The following ADD2 variants were observed in gnomAD, a reference collection of about 807,000 sequenced individuals.
ADD2 encodes adducin 2.
A neutral mutation model predicts 83.0 loss-of-function variants in ADD2; 23 were observed. The ratio of observed to expected loss-of-function variants is 0.28; its 90% CI spans 0.20 to 0.39. ADD2 has a LOEUF of 0.39. Among genes scored for constraint, ADD2 ranks in the 10% least tolerant of loss-of-function variants. The pLI, the probability that ADD2 is intolerant of heterozygous loss-of-function variation, is 1.00. For synonymous variants in ADD2, 375 were observed against 375.4 expected, an observed-to-expected ratio of 1.00 and a Z score of 0.01; for missense variants, 758 against 944.9, an observed-to-expected ratio of 0.80 and a Z score of 2.59.
At chr2:70,723,283 T>C (rs1044458628) in intron 1 of ADD2, among the ~76,000 whole-genome samples, 2 of 152,234 alleles carry the variant, frequency 1.3e-5, no homozygotes, top group African/African-American at 2.4e-5. Context: ...AGATAATATA[T>C]GAAAGCACAG....
intron 1 of ADD2, among the ~76,000 whole-genome samples, chr2:70,755,295 C>G (rs1674713380): frequency 6.6e-6 from 1 of 152,218 alleles, no homozygotes; most frequent in Non-Finnish European, 1.5e-5. Flanking sequence ...AATGAAAATG[C>G]CTGCAATCAG....
chr2:70,673,681 C>A (rs1274927853), intron 14 of ADD2, among the ~76,000 whole-genome samples: 1 of 152,152 alleles, frequency 6.6e-6, no homozygotes, highest in East Asian at 1.9e-4. Flanking sequence ...ACTGTAACCT[C>A]CGCCTTCTGG....
At chr2:70,664,623 G>A (rs1314633480) in intron 15 of ADD2, among the ~76,000 whole-genome samples, 3 of 152,190 alleles carry the variant, frequency 2.0e-5, no homozygotes, top group Non-Finnish European at 2.9e-5. Context: ...ACAGTACCAT[G>A]GTGGGCAGAC....
At chr2:70,697,434 C>A (rs1434928312) in intron 4 of ADD2, among the ~76,000 whole-genome samples, 2 of 152,316 alleles carry the variant, frequency 1.3e-5, no homozygotes, top group Admixed American at 6.5e-5. Context: ...TCCAGTCTAT[C>A]CCGTTAACCA....
At position 70,663,453 on chromosome 2, in the gene ADD2, C is replaced by T; in HGVS notation, c.2153G>A (p.Ser718Asn). The change falls in exon 16 of 16, where the codon AGC becomes AAC. Residue 718 changes from serine to asparagine, a missense_variant. Ser to Asn is a conservative substitution (Grantham distance 46, BLOSUM62 1). Transcript: ENST00000264436. ...KFRTPSFLKKSKKKEKVES is the reference protein window; with the variant it reads ...KFRTPSFLKKNKKKEKVES Reference sequence around the variant, plus strand: ...GGACTCCACTTTCTCCTTCTTTTTGCTCTTTTTCAGGAAGGAGGGGGTTCG... The same window carrying T: ...GGACTCCACTTTCTCCTTCTTTTTGTTCTTTTTCAGGAAGGAGGGGGTTCG... 1.2e-6 allele frequency: 2 copies of T among 1,613,256 alleles called. No individual in the cohort carries two copies. The highest frequency in any genetic ancestry group is 1.7e-6 in the Non-Finnish European group (2 of 1,179,780).
chr2:70,713,279 TTGAAA>T (rs1288901171), intron 1 of ADD2, 95 bp from the exon 2 acceptor site: 2 of 471,482 alleles, frequency 4.2e-6, no homozygotes, highest in Non-Finnish European at 5.6e-6. Context: ...TAAAATGAAC[TTGAAA>T]TGAATTTTTA....
chr2:70,659,572 G>C lies in ADD2; in HGVS notation c.*3853C>G, dbSNP rs1373055403. The stretch of plus-strand genomic sequence containing the variant: ...CAAGTCCTTTAAAAAGAACTTATCT[G>C]TTCACAGAGGAAGAACCCTGTTTTA... On this transcript the variant is annotated 3_prime_UTR_variant, in exon 16 of 16. Coordinates refer to ENST00000264436, the MANE Select transcript of ADD2 (RefSeq NM_001617.4). 1.3e-5 allele frequency: 2 copies of C among 152,196 alleles called. No individual in the cohort carries two copies. Among genetic ancestry groups the C allele is most frequent in the Non-Finnish European group, 2.9e-5 (2 of 68,054 alleles). The allele number at this position is 152,196 out of a possible 1,614,324, so 9.4% of individuals were successfully genotyped here. A position where few individuals can be genotyped will look rare whatever the true frequency, so the allele number is the denominator to read the frequency against.
At chr2:70,736,646 G>A (rs1252902260) in intron 1 of ADD2, among the ~76,000 whole-genome samples, 2 of 152,152 alleles carry the variant, frequency 1.3e-5, no homozygotes. Flanking sequence ...ATAACTTCTA[G>A]AACTTTTCAT....
intron 1 of ADD2, among the ~76,000 whole-genome samples, chr2:70,715,587 G>A (rs781911764): frequency 5.3e-5 from 8 of 152,076 alleles, no homozygotes; most frequent in Non-Finnish European, 8.8e-5. Context: ...GCTGTGAGGC[G>A]GCAGGAGTTA....
Position 70,660,025 on chromosome 2 carries a change from A to C in ADD2, c.*3400T>G, listed in dbSNP as rs1219886908. 3 of 152,228 alleles carry C rather than the reference A, an allele frequency of 2.0e-5. No homozygotes were observed. The highest frequency in any genetic ancestry group is 2.0e-4 in the Admixed American group (3 of 15,284). 9.4% of individuals were successfully genotyped at this position (152,228 alleles called of 1,614,324 possible). On this transcript the variant is annotated 3_prime_UTR_variant, in exon 16 of 16. Transcript: ENST00000264436. ...GAGCTCTTGAATACACATTTTCTCC[A>C]GTCAGATATTGGTCAAAGTTTTCAG...
intron 1 of ADD2, among the ~76,000 whole-genome samples, chr2:70,741,744 C>T (rs1385374665): frequency 3.3e-5 from 5 of 152,214 alleles, no homozygotes; most frequent in African/African-American, 1.2e-4. Context: ...GACCCACACA[C>T]ACACTGAAAC....
Position 70,695,769 on chromosome 2 carries a change from C to G in ADD2, c.507G>C (p.Leu169=). ...LRVSKEQDHF[L]ISPKGVSCSE... ...TGCAAGAAACTCCCTTAGGGCTGATCAGGAAGTGGTCCTGCTCCTTGCTGA... is the reference window on the plus strand; with the variant it reads ...TGCAAGAAACTCCCTTAGGGCTGATGAGGAAGTGGTCCTGCTCCTTGCTGA... The change falls in exon 6 of 16, where the codon CTG becomes CTC. Residue 169 remains leucine (L), a synonymous_variant. Transcript: ENST00000264436. 6.2e-7 allele frequency: 1 copy of G among 1,614,118 alleles called. No individual in the cohort carries two copies. The highest frequency in any genetic ancestry group is 8.5e-7 in the Non-Finnish European group (1 of 1,180,020).
At chr2:70,709,325 CAAA>C (rs61422231) in intron 2 of ADD2, among the ~76,000 whole-genome samples, 8 of 106,356 alleles carry the variant, frequency 7.5e-5, no homozygotes, top group African/African-American at 3.3e-5. Context: ...GAGTGGGAGC[CAAA>C]AAAAAAAAAA....
intron 1 of ADD2, among the ~76,000 whole-genome samples, chr2:70,731,568 G>A (rs959295204): frequency 5.3e-5 from 8 of 152,140 alleles, no homozygotes; most frequent in South Asian, 2.1e-4. Flanking sequence ...CCAGAATAGC[G>A]TTAAGAGGTG....
chr2:70,673,248 T>A, intron 14 of ADD2: 1 of 1,614,032 alleles, frequency 6.2e-7, no homozygotes, highest in South Asian at 1.1e-5. Flanking sequence ...TACCAATATG[T>A]TACTCCAGAT....
chr2:70,676,986 T>C lies in ADD2; in HGVS notation c.1504-101A>G, dbSNP rs1670183934. On this transcript the variant is annotated intron_variant, in intron 12 of 15. Coordinates refer to ENST00000264436, the MANE Select transcript of ADD2 (RefSeq NM_001617.4). The surrounding 1 kb of genome is among the most constrained non-coding windows in gnomAD (Gnocchi z 4.8). ...GTGCCTGGGGTCTAGAAAGGTCCTC[T>C]AGCGGTGTGGGAGCCCGTCACCTAT... The C allele has an allele frequency of 6.6e-7, 1 of 1,505,184 alleles. No individual in the cohort carries two copies. The highest frequency in any genetic ancestry group is 8.9e-7 in the Non-Finnish European group (1 of 1,123,584). The allele number at this position is 1,505,184 out of a possible 1,614,324, so 93.2% of individuals were successfully genotyped here.
intron 1 of ADD2, among the ~76,000 whole-genome samples, chr2:70,726,926 T>C (rs143802699): frequency 1.3e-5 from 2 of 152,330 alleles, no homozygotes; most frequent in African/African-American, 2.4e-5. Context: ...CTCCCACTGC[T>C]GTCTCTCCAG....
chr2:70,676,803 C>T lies in ADD2; in HGVS notation c.1586G>A (p.Arg529Gln), dbSNP rs114311724. 7.4e-6 allele frequency: 12 copies of T among 1,614,054 alleles called. No homozygotes were observed. The African/African-American group carries it at 8.0e-5, about 11-fold the overall frequency. The change falls in exon 13 of 16, where the codon CGA (arginine) becomes CAA (glutamine). Residue 529 changes from arginine (R) to glutamine (Q), a missense_variant. Arg to Gln is a conservative substitution (Grantham distance 43, BLOSUM62 1). Around this residue, in one of 5 missense-constraint regions of ADD2, gnomAD observed 394 missense variants for 509.3 expected, o/e 0.77. Transcript: ENST00000264436. This position sits in a 1 kb window ranked among gnomAD's most constrained non-coding sequence, Gnocchi z 4.8. ...GGGCAGCCTCTGCTCTACCGGGCTTCGGCTCTTCTCGGCAATGACGCTCGC... is the reference window on the plus strand; with the variant it reads ...GGGCAGCCTCTGCTCTACCGGGCTTTGGCTCTTCTCGGCAATGACGCTCGC... ...LLASVIAEKS[R>Q]SPSTESQLMS...
intron 1 of ADD2, among the ~76,000 whole-genome samples, chr2:70,726,864 C>T (rs976640279): frequency 4.6e-5 from 7 of 152,178 alleles, no homozygotes; most frequent in African/African-American, 9.7e-5. Context: ...AAATCCAACA[C>T]AGGAATTGGT....
Sources: allele counts gnomAD v4.1 joint callset (sites outside exome capture counted in the v4.1 genomes callset), GRCh38; gene constraint gnomAD v4.1.1; regional missense constraint gnomAD v4.1.1; non-coding constraint Gnocchi (gnomAD v3.1); transcripts MANE v1.5; gene names NCBI Gene and HGNC (gene_info 2026-07-23, HGNC 2026-07-21).